ADGRG6: variants seen among roughly 807,000 people sequenced by gnomAD.
The protein encoded by ADGRG6 is G-protein coupled receptor 126.
Under a neutral mutation model 142.4 loss-of-function variants are expected in ADGRG6, and 84 were observed. The observed-to-expected ratio is 0.59, with a 90% CI of 0.49 to 0.71. The LOEUF is 0.71. Ranked by LOEUF, ADGRG6 falls within the 30% of genes least tolerant of loss-of-function variation. The pLI is 0.00. For missense variants in ADGRG6, 1,367 were observed against 1,466.6 expected, an observed-to-expected ratio of 0.93 and a Z score of 1.11; for synonymous variants, 521 against 520.5, an observed-to-expected ratio of 1.00 and a Z score of -0.01.
intron 2 of ADGRG6, among the ~76,000 whole-genome samples, chr6:142,351,797 A>G (rs1379486057): frequency 2.0e-5 from 3 of 152,214 alleles, no homozygotes; most frequent in Non-Finnish European, 4.4e-5. Flanking sequence ...TATGCATCCA[A>G]CAAAGGTCAA....
chr6:142,338,343 G>A (rs1779451392), intron 2 of ADGRG6, among the ~76,000 whole-genome samples: 1 of 151,606 alleles, frequency 6.6e-6, no homozygotes, highest in African/African-American at 2.4e-5. Flanking sequence ...TTGAAATTAA[G>A]GAGACTAAAT....
chr6:142,344,723 A>G (rs1465424989), intron 2 of ADGRG6, among the ~76,000 whole-genome samples: 4 of 151,912 alleles, frequency 2.6e-5, no homozygotes, highest in Non-Finnish European at 5.9e-5. Context: ...CTTCTATTCT[A>G]TTTGAGGTAA....
chr6:142,407,170 T>TAAAAAAAAAAAAAAAAAA (rs11414768), intron 15 of ADGRG6, among the ~76,000 whole-genome samples: 39 of 121,000 alleles, frequency 3.2e-4, no homozygotes, highest in African/African-American at 1.3e-3. Flanking sequence ...CCCGTCTCTT[T>TAAAAAAAAAAAAAAAAAA]AAAAAAAAAA....
intron 15 of ADGRG6, among the ~76,000 whole-genome samples, chr6:142,406,584 A>C (rs1004801209): frequency 2.0e-5 from 3 of 152,224 alleles, no homozygotes; most frequent in African/African-American, 7.2e-5. Context: ...TGTCATGTGT[A>C]GAGGAGCAGC....
chr6:142,324,091 G>C (rs994133611), intron 2 of ADGRG6, among the ~76,000 whole-genome samples: 1 of 152,012 alleles, frequency 6.6e-6, no homozygotes, highest in Non-Finnish European at 1.5e-5. Context: ...AAATATGAGA[G>C]CATTTCTTGT....
At chr6:142,360,078 A>G (rs143741411) in intron 2 of ADGRG6, among the ~76,000 whole-genome samples, 1 of 152,342 alleles carries the variant, frequency 6.6e-6, no homozygotes, top group Non-Finnish European at 1.5e-5. Context: ...ACAACTATGA[A>G]TAAAACAAAT....
intron 10 of ADGRG6, 89 bp from the exon 11 acceptor site, chr6:142,400,396 A>T: frequency 1.5e-6 from 1 of 668,022 alleles, no homozygotes; most frequent in Non-Finnish European, 2.8e-6. Context: ...AATTACCAGC[A>T]TTGTCATTTT....
chr6:142,307,681 A>G (rs925963879), intron 1 of ADGRG6, among the ~76,000 whole-genome samples: 1 of 152,086 alleles, frequency 6.6e-6, no homozygotes, highest in Non-Finnish European at 1.5e-5. Flanking sequence ...TTGCTGTTTG[A>G]GAGTCCACAT....
chr6:142,403,009 T>A (rs769152451), intron 13 of ADGRG6, among the ~76,000 whole-genome samples, 179 bp downstream of exon 13: 2 of 146,476 alleles, frequency 1.4e-5, no homozygotes, highest in Non-Finnish European at 3.0e-5. Flanking sequence ...TTCTGTGTGT[T>A]TTTTTTTTTG....
intron 2 of ADGRG6, among the ~76,000 whole-genome samples, chr6:142,338,398 G>A (rs979176376): frequency 6.6e-6 from 1 of 151,350 alleles, no homozygotes; most frequent in Admixed American, 6.6e-5. Flanking sequence ...ACTATGTTTC[G>A]AATATCTAAT....
At chr6:142,321,715 A>G (rs76741161) in intron 2 of ADGRG6, among the ~76,000 whole-genome samples, 1 of 152,192 alleles carries the variant, frequency 6.6e-6, no homozygotes, top group East Asian at 1.9e-4. Flanking sequence ...GAGATATGGT[A>G]AGATTCTCTG....
chr6:142,342,108 T>G (rs915573671), intron 2 of ADGRG6, among the ~76,000 whole-genome samples: 9 of 151,978 alleles, frequency 5.9e-5, no homozygotes, highest in African/African-American at 1.9e-4. Flanking sequence ...TGCAAGGATC[T>G]GTGTGCATAG....
chr6:142,379,828 G>T (rs1264749143), intron 4 of ADGRG6, among the ~76,000 whole-genome samples: 1 of 152,160 alleles, frequency 6.6e-6, no homozygotes, highest in Admixed American at 6.5e-5. Flanking sequence ...TCTGAGACAG[G>T]TTTCAATTAG....
intron 1 of ADGRG6, among the ~76,000 whole-genome samples, chr6:142,306,821 T>C (rs1777522949): frequency 6.6e-6 from 1 of 152,166 alleles, no homozygotes; most frequent in Admixed American, 6.5e-5. Flanking sequence ...AAACACATAG[T>C]ACTTTCCTTC....
Position 142,415,895 on chromosome 6 carries a change from C to A in ADGRG6, c.2769C>A (p.Ser923=), listed in dbSNP as rs1004847981. The A allele has an allele frequency of 1.9e-6, 3 of 1,613,430 alleles. No homozygotes were observed. The highest frequency in any genetic ancestry group is 1.7e-5 in the Admixed American group (1 of 59,930). Residue 923 remains serine (S), a synonymous_variant, in exon 20 of 25, where the codon TCC becomes TCA. Transcript: ENST00000367609. ...LLFLLDGWIT[S]FNVDGLCIAV... ...TCCTCCTAGATGGCTGGATCACCTC[C>A]TTCAATGTGGATGGACTTTGCATTG...
At chr6:142,345,725 G>A (rs1053966821) in intron 2 of ADGRG6, among the ~76,000 whole-genome samples, 2 of 152,058 alleles carry the variant, frequency 1.3e-5, no homozygotes, top group East Asian at 1.9e-4. Flanking sequence ...ATGGCTATTT[G>A]TCTGAGGCAA....
intron 22 of ADGRG6, among the ~76,000 whole-genome samples, chr6:142,435,913 T>C (rs1777464801): frequency 6.6e-6 from 1 of 152,120 alleles, no homozygotes. Context: ...GAACGTGTTA[T>C]GGAAAGATTT....
At chr6:142,396,602 C>G (rs1010619843) in intron 9 of ADGRG6, among the ~76,000 whole-genome samples, 1 of 152,112 alleles carries the variant, frequency 6.6e-6, no homozygotes, top group African/African-American at 2.4e-5. Context: ...CTCCACTAGA[C>G]ATTCCATAAC....
intron 2 of ADGRG6, among the ~76,000 whole-genome samples, chr6:142,314,974 G>GTA (rs1777959927): frequency 7.3e-6 from 1 of 136,476 alleles, no homozygotes; most frequent in Admixed American, 7.1e-5. Flanking sequence ...ATCATGGAGT[G>GTA]TGTGTGTGTG....
Sources: allele counts gnomAD v4.1 joint callset (sites outside exome capture counted in the v4.1 genomes callset), GRCh38; gene constraint gnomAD v4.1.1; transcripts MANE v1.5; gene names NCBI Gene and HGNC (gene_info 2026-07-23, HGNC 2026-07-21).